Variants in SP140L observed in about 807,000 individuals in gnomAD.
SP140L encodes nuclear body protein SP140-like protein.
SP140L carries 64 observed loss-of-function variants against 84.3 expected under a neutral mutation model. The observed-to-expected ratio is 0.76, with a 90% confidence interval of 0.62 to 0.94. The LOEUF is 0.94. SP140L is among the 40% of genes least tolerant of loss of function. The pLI is 0.00. For missense variants in SP140L, 628 were observed against 692.5 expected, an observed-to-expected ratio of 0.91 and a Z score of 1.05; for synonymous variants, 242 against 236.9, an observed-to-expected ratio of 1.02 and a Z score of -0.20.
At chr2:230,333,763 T>G (rs1559401323) in intron 2 of SP140L, among the ~76,000 whole-genome samples, 1 of 152,140 alleles carries the variant, frequency 6.6e-6, no homozygotes, top group African/African-American at 2.4e-5. Flanking sequence ...TTTTGTTTTT[T>G]TTTCTTGACA....
At chr2:230,369,426 C>T (rs1432436706) in intron 5 of SP140L, among the ~76,000 whole-genome samples, 2 of 152,186 alleles carry the variant, frequency 1.3e-5, no homozygotes, top group African/African-American at 2.4e-5. Flanking sequence ...TGGCCTGGAG[C>T]CTGGGGATTC....
chr2:230,366,964 G>T (rs761943601), intron 5 of SP140L, among the ~76,000 whole-genome samples: 1 of 151,874 alleles, frequency 6.6e-6, no homozygotes, highest in Non-Finnish European at 1.5e-5. Flanking sequence ...AACTCCTGAG[G>T]CAATCTGTCC....
In SP140L at chr2:230,389,981, G is replaced by C. The variant is rs1437167076; in HGVS notation, c.922G>C (p.Gly308Arg). The C allele has an allele frequency of 6.2e-7, 1 of 1,613,842 alleles. No individual in the cohort carries two copies. The highest frequency in any genetic ancestry group is 2.2e-5 in the East Asian group (1 of 44,878). Residue 308 changes from glycine (G) to arginine (R), a missense_variant, in exon 11 of 19, where the codon GGT (glycine) becomes CGT (arginine). Physicochemically the swap from Gly to Arg is moderately radical, Grantham distance 125 (BLOSUM62 -2). Coordinates refer to ENST00000415673, the MANE Select transcript of SP140L (RefSeq NM_138402.6). ...GGCTCCTTTACTTCCAGTGACCTGTGGTGGGGTGAAGGGAATTTTACATAA... is the reference window on the plus strand; with the variant it reads ...GGCTCCTTTACTTCCAGTGACCTGTCGTGGGGTGAAGGGAATTTTACATAA... ...FQAPLLPVTCGGVKGILHKEK... is the reference protein window; with the variant it reads ...FQAPLLPVTCRGVKGILHKEK...
At position 230,371,675 on chromosome 2, in the gene SP140L, T is replaced by C. The variant is rs371723434; in HGVS notation, c.637+24T>C. 4.0e-5 allele frequency: 62 copies of C among 1,539,146 alleles called. No homozygotes were observed. In the Middle Eastern group the frequency reaches 1.2e-3, roughly 29 times the overall value. ...AAGTAAGAATAAATAAGAATTTACTTGCTTTTGATGTTACAAATACATTTT... is the reference window on the plus strand; with the variant it reads ...AAGTAAGAATAAATAAGAATTTACTCGCTTTTGATGTTACAAATACATTTT... On this transcript the variant is annotated intron_variant, in intron 7 of 18. Transcript: ENST00000415673.
At chr2:230,354,908 G>GAAA (rs2060492339) in intron 2 of SP140L, among the ~76,000 whole-genome samples, 1 of 111,522 alleles carries the variant, frequency 9.0e-6, no homozygotes. Context: ...GAAAGAGAAA[G>GAAA]AAGAAAGAAA....
Position 230,396,736 on chromosome 2 carries a change from A to G in SP140L, c.1156-21A>G, listed in dbSNP as rs566100523. ...ACAATGCATTCAATATCATAAATCA[A>G]TCTTTCTGTTTTTTCAACAGAGAAT... is the stretch of plus-strand genomic sequence containing the variant. On this transcript the variant is annotated intron_variant, in intron 13 of 18. Coordinates refer to ENST00000415673, the MANE Select transcript of SP140L (RefSeq NM_138402.6). The G allele has an allele frequency of 5.0e-6, 8 of 1,612,632 alleles. No homozygotes were observed. In the East Asian group the frequency reaches 6.7e-5, roughly 13 times the overall value.
intron 4 of SP140L, among the ~76,000 whole-genome samples, chr2:230,361,349 G>A (rs1252278295): frequency 6.6e-6 from 1 of 152,122 alleles, no homozygotes; most frequent in African/African-American, 2.4e-5. Flanking sequence ...TGCCTACCCT[G>A]CCATCTGACA....
chr2:230,339,370 A>G (rs865816184), intron 2 of SP140L, among the ~76,000 whole-genome samples: 16,088 of 148,774 alleles, frequency 0.11, 508 homozygotes, highest in Middle Eastern at 0.14. Flanking sequence ...TATTGCGTCT[A>G]TTTGATTCTT....
intron 8 of SP140L, among the ~76,000 whole-genome samples, chr2:230,384,685 G>A (rs192336866): frequency 7.2e-5 from 11 of 152,300 alleles, no homozygotes; most frequent in South Asian, 2.1e-4. Flanking sequence ...GGCTGAGGCG[G>A]ATGGATCACT....
intron 9 of SP140L, among the ~76,000 whole-genome samples, chr2:230,386,351 C>A (rs1020584869): frequency 3.9e-5 from 6 of 152,180 alleles, no homozygotes; most frequent in Admixed American, 6.5e-5. Context: ...GGTCATTCTA[C>A]TTGGTACTTA....
chr2:230,358,004 TTTCATA>T (rs1575472120), intron 3 of SP140L, 37 bp downstream of exon 3: 6 of 1,605,574 alleles, frequency 3.7e-6, no homozygotes. Flanking sequence ...GCAGATATGC[TTTCATA>T]TTTTACAAGT....
In SP140L at chr2:230,402,954, C is replaced by T; in HGVS notation, c.*58C>T. On this transcript the variant is annotated 3_prime_UTR_variant, in exon 19 of 19. Transcript: ENST00000415673. Reference sequence around the variant, plus strand: ...ATATGCTACTGGTTGCCACTGACTTCAAACTGAGAGCACTTGGGAAATAGC... The same window carrying T: ...ATATGCTACTGGTTGCCACTGACTTTAAACTGAGAGCACTTGGGAAATAGC... 7.1e-7 allele frequency: 1 copy of T among 1,410,066 alleles called. No homozygotes were observed. The highest frequency in any genetic ancestry group is 9.8e-7 in the Non-Finnish European group (1 of 1,020,202). The allele number at this position is 1,410,066 out of a possible 1,614,324, so 87.3% of individuals were successfully genotyped here.
At chr2:230,375,167 T>G (rs2061204303) in intron 7 of SP140L, among the ~76,000 whole-genome samples, 1 of 152,250 alleles carries the variant, frequency 6.6e-6, no homozygotes, top group Admixed American at 6.5e-5. Context: ...AATTCATTTA[T>G]TGGTGTATGA....
intron 15 of SP140L, chr2:230,400,518 A>T (rs559579872): frequency 2.1e-6 from 1 of 484,420 alleles, no homozygotes; most frequent in South Asian, 2.4e-5. Flanking sequence ...GAAGTTTTGC[A>T]GTAGGGTCTC....
At chr2:230,356,536 T>C (rs1176418424) in intron 2 of SP140L, among the ~76,000 whole-genome samples, 1 of 152,234 alleles carries the variant, frequency 6.6e-6, no homozygotes, top group Non-Finnish European at 1.5e-5. Flanking sequence ...AGTATTAACA[T>C]CTGACAGAAT....
At chr2:230,366,966 A>G (rs1000257108) in intron 5 of SP140L, among the ~76,000 whole-genome samples, 2 of 151,886 alleles carry the variant, frequency 1.3e-5, no homozygotes, top group Non-Finnish European at 2.9e-5. Context: ...CTCCTGAGGC[A>G]ATCTGTCCAC....
Position 230,392,248 on chromosome 2 carries a change from G to A in SP140L, c.1107+19G>A, listed in dbSNP as rs2061846565. ...GATGGAGGTATTCCAATGACAAGAG[G>A]CCAGACCTGTGCCCATTCTTCTTGT... is the stretch of plus-strand genomic sequence containing the variant. On this transcript the variant is annotated intron_variant, in intron 12 of 18. Transcript: ENST00000415673. 6.2e-7 allele frequency: 1 copy of A among 1,613,154 alleles called. No homozygotes were observed. The highest frequency in any genetic ancestry group is 8.5e-7 in the Non-Finnish European group (1 of 1,179,734).
chr2:230,386,030 C>A (rs1389081139), intron 9 of SP140L, among the ~76,000 whole-genome samples: 1 of 152,164 alleles, frequency 6.6e-6, no homozygotes, highest in East Asian at 1.9e-4. Flanking sequence ...CTAGCTCTTT[C>A]TTCCGTGAGA....
At chr2:230,397,540 G>T (rs1260864662) in intron 14 of SP140L, among the ~76,000 whole-genome samples, 1 of 152,090 alleles carries the variant, frequency 6.6e-6, no homozygotes, top group Non-Finnish European at 1.5e-5. Context: ...GCCTGCTTTG[G>T]GTTCTGCTGA....
Sources: gnomAD v4.1 joint callset for allele counts (sites outside exome capture counted in the v4.1 genomes callset) on GRCh38, gnomAD v4.1.1 for gene constraint, MANE v1.5 for transcripts, NCBI Gene and HGNC (gene_info 2026-07-23, HGNC 2026-07-21) for gene names.